The following EHBP1 variants were observed in gnomAD, a reference collection of about 807,000 sequenced individuals.
The protein encoded by EHBP1 is EH domain-binding protein 1.
Under a neutral mutation model 144.0 loss-of-function variants are expected in EHBP1, and 55 were observed. The observed-to-expected ratio is 0.38, with a 90% CI of 0.31 to 0.48. The LOEUF is 0.48. Among genes scored for constraint, EHBP1 ranks in the 20% least tolerant of loss-of-function variants. The pLI, the probability that EHBP1 is intolerant of heterozygous loss-of-function variation, is 0.98. For synonymous variants in EHBP1, 469 were observed against 472.7 expected, an observed-to-expected ratio of 0.99 and a Z score of 0.10; for missense variants, 1,200 against 1,364.2, an observed-to-expected ratio of 0.88 and a Z score of 1.90.
chr2:62,769,135 C>G (rs1168178605), intron 4 of EHBP1, among the ~76,000 whole-genome samples: 1 of 152,140 alleles, frequency 6.6e-6, no homozygotes, highest in African/African-American at 2.4e-5. Context: ...TCCTATTTAA[C>G]TTAGTGTTGG....
At chr2:62,952,672 A>G (rs544684908) in intron 13 of EHBP1, among the ~76,000 whole-genome samples, 2 of 152,324 alleles carry the variant, frequency 1.3e-5, no homozygotes, top group African/African-American at 2.4e-5. Flanking sequence ...TGAGGTTTGC[A>G]GAGTTACTTA....
At chr2:62,866,876 CA>C (rs1289604561) in intron 9 of EHBP1, among the ~76,000 whole-genome samples, 1 of 151,806 alleles carries the variant, frequency 6.6e-6, no homozygotes, top group East Asian at 1.9e-4. Context: ...TCAAAGAAGC[CA>C]AATGAAACTC....
intron 2 of EHBP1, among the ~76,000 whole-genome samples, chr2:62,722,644 A>G (rs1163607391): frequency 1.3e-5 from 2 of 152,084 alleles, no homozygotes; most frequent in African/African-American, 4.8e-5. Context: ...CACCTCTTTA[A>G]TCTCCTTTAA....
intron 5 of EHBP1, among the ~76,000 whole-genome samples, chr2:62,794,623 G>GT (rs1177502849): frequency 6.6e-6 from 1 of 151,746 alleles, no homozygotes; most frequent in Non-Finnish European, 1.5e-5. Flanking sequence ...CAAAATTTAT[G>GT]TTTTTTAAAA....
intron 5 of EHBP1, among the ~76,000 whole-genome samples, chr2:62,795,338 A>G (rs766688028): frequency 2.0e-5 from 3 of 152,054 alleles, no homozygotes; most frequent in Non-Finnish European, 4.4e-5. Context: ...CTAGTTTTAT[A>G]TATTAATAAT....
chr2:62,931,224 A>T (rs181761439), intron 10 of EHBP1, among the ~76,000 whole-genome samples: 3 of 152,352 alleles, frequency 2.0e-5, no homozygotes, highest in African/African-American at 4.8e-5. Flanking sequence ...CCTTGAATAG[A>T]TATTTATCCA....
intron 19 of EHBP1, among the ~76,000 whole-genome samples, chr2:63,000,417 C>T (rs954801001): frequency 2.0e-5 from 3 of 151,444 alleles, no homozygotes; most frequent in African/African-American, 4.9e-5. Context: ...TATTTCAGGC[C>T]GGGTGTAGTG....
chr2:62,718,834 A>G (rs1185959049), intron 2 of EHBP1, among the ~76,000 whole-genome samples: 8 of 152,180 alleles, frequency 5.3e-5, no homozygotes, highest in African/African-American at 1.7e-4. Context: ...AGTGAGAGCA[A>G]TGTGTTTTAG....
At chr2:62,675,991 A>C (rs1288983329) in intron 1 of EHBP1, among the ~76,000 whole-genome samples, 1 of 152,186 alleles carries the variant, frequency 6.6e-6, no homozygotes. Flanking sequence ...CTTGAGCTCA[A>C]GTAGCCGGCC....
At chr2:62,837,433 A>G (rs1181476984) in intron 7 of EHBP1, among the ~76,000 whole-genome samples, 1 of 151,702 alleles carries the variant, frequency 6.6e-6, no homozygotes, top group African/African-American at 2.4e-5. Context: ...TGCATCAACT[A>G]ACAAGCAAAA....
At chr2:62,941,771 T>C (rs1039572475) in intron 10 of EHBP1, among the ~76,000 whole-genome samples, 5 of 152,146 alleles carry the variant, frequency 3.3e-5, no homozygotes, top group South Asian at 2.1e-4. Flanking sequence ...AGGTTTCTTA[T>C]AATAGCTAGC....
intron 10 of EHBP1, among the ~76,000 whole-genome samples, chr2:62,876,596 A>G (rs894215432): frequency 2.0e-5 from 3 of 152,226 alleles, no homozygotes; most frequent in Middle Eastern, 3.2e-3. Flanking sequence ...AAGACTGGGT[A>G]ATTTATTTTA....
intron 19 of EHBP1, among the ~76,000 whole-genome samples, chr2:62,998,235 A>G (rs1250175139): frequency 1.3e-5 from 2 of 152,078 alleles, no homozygotes; most frequent in Admixed American, 1.3e-4. Context: ...TCCCCTAATA[A>G]GTTGCATGCA....
intron 19 of EHBP1, among the ~76,000 whole-genome samples, chr2:63,004,521 A>G (rs2153230800): frequency 6.6e-6 from 1 of 152,208 alleles, no homozygotes; most frequent in South Asian, 2.1e-4. Context: ...ATATTTATTA[A>G]CAAGAAAAAA....
intron 6 of EHBP1, among the ~76,000 whole-genome samples, chr2:62,830,168 A>ACT (rs2046712004): frequency 2.1e-5 from 2 of 96,048 alleles, no homozygotes; most frequent in South Asian, 5.8e-4. Context: ...ACACACACAC[A>ACT]CACACACACA....
chr2:63,024,505 G>A (rs1261471636), intron 19 of EHBP1, among the ~76,000 whole-genome samples: 6 of 151,560 alleles, frequency 4.0e-5, no homozygotes, highest in Non-Finnish European at 7.4e-5. Flanking sequence ...AGGAGCCTGA[G>A]GCAGGAGGAT....
intron 13 of EHBP1, among the ~76,000 whole-genome samples, chr2:62,953,666 T>A (rs963183464): frequency 2.6e-5 from 4 of 152,158 alleles, no homozygotes; most frequent in Non-Finnish European, 4.4e-5. Flanking sequence ...CTACAGTTAT[T>A]ATCTCTGGGT....
At chr2:62,771,126 A>G (rs541518168) in intron 4 of EHBP1, among the ~76,000 whole-genome samples, 1 of 152,322 alleles carries the variant, frequency 6.6e-6, no homozygotes, top group South Asian at 2.1e-4. Context: ...GAGTTTACCT[A>G]TGTAACAAAC....
rs544600363 is a variant in EHBP1 at position 62,787,769 on chromosome 2, G to T, written c.312+16377G>T. ...TCAAGATCCACACACATAATCTCTG[G>T]CTCAGCCTCTGAAATGTTAATCCCT... On this transcript the variant is annotated intron_variant, in intron 5 of 22. Coordinates refer to ENST00000431489, the MANE Select transcript of EHBP1 (RefSeq NM_001142616.3). Among the ~76,000 whole-genome samples the T allele has an allele frequency of 7.9e-5, 12 of 152,280 alleles. No homozygotes were observed. In the South Asian group the frequency reaches 2.3e-3, roughly 29 times the overall value.
Sources: allele counts gnomAD v4.1 joint callset (sites outside exome capture counted in the v4.1 genomes callset), GRCh38; gene constraint gnomAD v4.1.1; transcripts MANE v1.5; gene names NCBI Gene and HGNC (gene_info 2026-07-23, HGNC 2026-07-21).